The following MYRIP variants were observed in gnomAD, a reference collection of about 807,000 sequenced individuals.
MYRIP encodes the protein rab effector MyRIP.
A neutral mutation model predicts 98.0 loss-of-function variants in MYRIP; 49 were observed. The ratio of observed to expected loss-of-function variants is 0.50; its 90% CI spans 0.40 to 0.63. The LOEUF (loss-of-function observed/expected upper bound fraction) is 0.63. Among genes scored for constraint, MYRIP ranks in the 30% least tolerant of loss-of-function variants. The pLI is 0.00. For synonymous variants in MYRIP, 404 were observed against 409.5 expected, an observed-to-expected ratio of 0.99 and a Z score of 0.16; for missense variants, 1,004 against 1,058.2, an observed-to-expected ratio of 0.95 and a Z score of 0.71.
intron 9 of MYRIP, among the ~76,000 whole-genome samples, chr3:40,184,930 G>C (rs1263081758): frequency 6.6e-6 from 1 of 152,108 alleles, no homozygotes; most frequent in Admixed American, 6.6e-5. Flanking sequence ...AAAGGACTTG[G>C]GTGGAAAACT....
At chr3:40,084,053 C>T (rs1179499834) in intron 3 of MYRIP, among the ~76,000 whole-genome samples, 6 of 132,418 alleles carry the variant, frequency 4.5e-5, no homozygotes, top group Non-Finnish European at 7.7e-5. Flanking sequence ...AGGAGAATGG[C>T]GTGAACCCGG....
At chr3:40,096,451 G>C (rs1046910250) in intron 3 of MYRIP, among the ~76,000 whole-genome samples, 3 of 152,166 alleles carry the variant, frequency 2.0e-5, no homozygotes, top group African/African-American at 7.2e-5. Context: ...TATGGCAAAG[G>C]GAGCCTCATA....
chr3:39,997,139 C>A (rs895978394), intron 2 of MYRIP, among the ~76,000 whole-genome samples: 2 of 152,080 alleles, frequency 1.3e-5, no homozygotes, highest in Non-Finnish European at 2.9e-5. Flanking sequence ...AAGGCAAGAG[C>A]AAACACATTC....
chr3:40,062,820 A>G (rs1242697045), intron 3 of MYRIP, among the ~76,000 whole-genome samples: 1 of 152,224 alleles, frequency 6.6e-6, no homozygotes, highest in African/African-American at 2.4e-5. Flanking sequence ...TTGTGCTGGT[A>G]GCATCGTGTG....
At chr3:40,246,726 G>A (rs35981260) in intron 13 of MYRIP, among the ~76,000 whole-genome samples, 12,676 of 152,104 alleles carry the variant, frequency 0.083, 820 homozygotes, top group African/African-American at 0.18. Context: ...TGGGGGTCCC[G>A]AGATTTTATT....
intron 2 of MYRIP, among the ~76,000 whole-genome samples, chr3:39,925,659 T>C (rs1412132657): frequency 6.6e-6 from 1 of 152,080 alleles, no homozygotes; most frequent in Non-Finnish European, 1.5e-5. Flanking sequence ...AAAGACATAA[T>C]ATCATTCTTT....
At chr3:39,889,230 G>A (rs1364480231) in intron 1 of MYRIP, among the ~76,000 whole-genome samples, 5 of 151,764 alleles carry the variant, frequency 3.3e-5, no homozygotes, top group East Asian at 3.9e-4. Flanking sequence ...ACATGCACAC[G>A]TATGTTTATT....
intron 10 of MYRIP, among the ~76,000 whole-genome samples, chr3:40,206,064 G>C (rs191535188): frequency 7.2e-5 from 11 of 152,212 alleles, no homozygotes; most frequent in Admixed American, 3.9e-4. Context: ...TCCTAGAAAA[G>C]TGTGCGTGCA....
intron 7 of MYRIP, among the ~76,000 whole-genome samples, chr3:40,169,243 G>A (rs899450963): frequency 1.3e-5 from 2 of 152,096 alleles, no homozygotes; most frequent in African/African-American, 4.8e-5. Flanking sequence ...CATGGGAGAT[G>A]GCACCTCAGT....
At chr3:39,902,525 C>A (rs1943766587) in intron 2 of MYRIP, among the ~76,000 whole-genome samples, 1 of 152,202 alleles carries the variant, frequency 6.6e-6, no homozygotes, top group African/African-American at 2.4e-5. Context: ...GGACACAGGG[C>A]CTGGCACACC....
intron 2 of MYRIP, among the ~76,000 whole-genome samples, chr3:39,910,524 G>C (rs1298337888): frequency 6.6e-6 from 1 of 152,236 alleles, no homozygotes; most frequent in African/African-American, 2.4e-5. Context: ...CTAGCCACAT[G>C]TGGCATTAAG....
At chr3:40,249,538 C>T (rs368513453) in intron 13 of MYRIP, among the ~76,000 whole-genome samples, 1 of 152,212 alleles carries the variant, frequency 6.6e-6, no homozygotes, top group Non-Finnish European at 1.5e-5. Context: ...ATGCCCTTTT[C>T]TAAGAGCAGG....
chr3:40,040,765 TG>T (rs1168220425), intron 2 of MYRIP, among the ~76,000 whole-genome samples: 1 of 38,054 alleles, frequency 2.6e-5, no homozygotes, highest in Non-Finnish European at 6.4e-5. Context: ...CACTCATAGG[TG>T]GGAAGTGAAC....
intron 10 of MYRIP, among the ~76,000 whole-genome samples, chr3:40,197,156 T>A (rs1008558539): frequency 1.3e-5 from 2 of 152,148 alleles, no homozygotes; most frequent in East Asian, 3.9e-4. Flanking sequence ...CTGTTCCACC[T>A]CAGGTCATCA....
chr3:40,203,427 C>A (rs1951625465), intron 10 of MYRIP, among the ~76,000 whole-genome samples: 1 of 151,878 alleles, frequency 6.6e-6, no homozygotes, highest in Non-Finnish European at 1.5e-5. Context: ...CAGCACCCAG[C>A]TGTGGGGCTG....
At chr3:39,849,692 C>T (rs564610539) in intron 1 of MYRIP, among the ~76,000 whole-genome samples, 1 of 152,192 alleles carries the variant, frequency 6.6e-6, no homozygotes, top group South Asian at 2.1e-4. Context: ...GTTGCTAGTC[C>T]TCGGGTTTTC....
At chr3:40,137,441 A>G (rs1575567979) in intron 3 of MYRIP, among the ~76,000 whole-genome samples, 1 of 152,326 alleles carries the variant, frequency 6.6e-6, no homozygotes, top group East Asian at 1.9e-4. Context: ...TCACAGCCAA[A>G]TTCTACCAGA....
chr3:39,938,506 G>A (rs1944707219), intron 2 of MYRIP, among the ~76,000 whole-genome samples: 1 of 152,092 alleles, frequency 6.6e-6, no homozygotes, highest in Admixed American at 6.6e-5. Flanking sequence ...GGATTGCTAG[G>A]TCATAGAGAA....
At chr3:40,003,191 A>T (rs1254589697) in intron 2 of MYRIP, among the ~76,000 whole-genome samples, 1 of 152,144 alleles carries the variant, frequency 6.6e-6, no homozygotes, top group Non-Finnish European at 1.5e-5. Flanking sequence ...ACATATATAG[A>T]TATCTATAAA....
Sources: gnomAD v4.1 joint callset for allele counts (sites outside exome capture counted in the v4.1 genomes callset) on GRCh38, gnomAD v4.1.1 for gene constraint, MANE v1.5 for transcripts, NCBI Gene and HGNC (gene_info 2026-07-23, HGNC 2026-07-21) for gene names.